Variants in PLA2G4A observed in about 807,000 individuals in gnomAD.
PLA2G4A encodes phospholipase A2 group IVA, also known as cytosolic phospholipase A2.
In PLA2G4A, 40 loss-of-function variants were observed where a neutral mutation model predicts 81.9. The ratio of observed to expected loss-of-function variants is 0.49; its 90% confidence interval spans 0.38 to 0.64. The LOEUF (loss-of-function observed/expected upper bound fraction) is 0.64, where lower values mean the gene tolerates loss of function less well. Ranked by LOEUF, PLA2G4A falls within the 30% of genes least tolerant of loss-of-function variation. The pLI is 0.00. For missense variants in PLA2G4A, 715 were observed against 905.1 expected (o/e 0.79, Z 2.69); for synonymous variants, 302 against 296.9 (o/e 1.02, Z -0.18).
chr1:186,840,238 A>T (rs1371321681), intron 1 of PLA2G4A, among the ~76,000 whole-genome samples: 1 of 151,998 alleles, frequency 6.6e-6, no homozygotes, highest in East Asian at 1.9e-4. Flanking sequence ...TAGATTGCCA[A>T]AGGGGTCCAT....
chr1:186,843,898 T>C (rs1652075850), intron 1 of PLA2G4A, among the ~76,000 whole-genome samples: 1 of 152,252 alleles, frequency 6.6e-6, no homozygotes, highest in South Asian at 2.1e-4. Context: ...TCTGAAACTC[T>C]AGTAGGTATT....
intron 14 of PLA2G4A, among the ~76,000 whole-genome samples, chr1:186,962,756 G>A (rs1053636300): frequency 1.3e-5 from 2 of 152,188 alleles, no homozygotes; most frequent in East Asian, 3.9e-4. Flanking sequence ...TCCTCACCTC[G>A]TGATCCACCC....
chr1:186,857,103 TTATATA>T (rs1652588329), intron 2 of PLA2G4A, among the ~76,000 whole-genome samples: 1 of 12,752 alleles, frequency 7.8e-5, no homozygotes, highest in African/African-American at 5.4e-4. Flanking sequence ...TATAATATAA[TTATATA>T]ATTATATAAT....
At chr1:186,870,850 G>A in intron 3 of PLA2G4A, 1 of 657,144 alleles carries the variant, frequency 1.5e-6, no homozygotes, top group Non-Finnish European at 2.6e-6. Context: ...TTCAAATGTG[G>A]TTATGTTTGT....
intron 10 of PLA2G4A, among the ~76,000 whole-genome samples, chr1:186,944,952 G>A (rs1009539502): frequency 6.6e-6 from 1 of 152,046 alleles, no homozygotes; most frequent in Non-Finnish European, 1.5e-5. Flanking sequence ...ACAAACAAAT[G>A]AGTAACAAAG....
Position 186,948,466 on chromosome 1 carries a change from A to G in PLA2G4A, c.1264+1505A>G, listed in dbSNP as rs145378536. Among the ~76,000 whole-genome samples, 380 of 151,592 alleles carry G rather than the reference A, an allele frequency of 2.5e-3. 2 individuals carry two copies. The highest frequency in any genetic ancestry group is 6.8e-3 in the Middle Eastern group (2 of 294). ...ATCCCAGATGAATGTCCTGTTCCCA[A>G]CTCTTTGTGGAAATAACAAACCCTT... On this transcript the variant is annotated intron_variant, in intron 12 of 17. Coordinates refer to ENST00000367466, the MANE Select transcript of PLA2G4A (RefSeq NM_024420.3).
intron 7 of PLA2G4A, among the ~76,000 whole-genome samples, chr1:186,912,650 A>C (rs893041096): frequency 6.8e-6 from 1 of 147,208 alleles, no homozygotes; most frequent in African/African-American, 2.6e-5. Context: ...AGCACATTTC[A>C]TTTTAGTACT....
intron 1 of PLA2G4A, among the ~76,000 whole-genome samples, chr1:186,845,421 G>A (rs1652137048): frequency 6.6e-6 from 1 of 151,922 alleles, no homozygotes; most frequent in South Asian, 2.1e-4. Flanking sequence ...TGAGGATTAG[G>A]GGCGATTTTC....
chr1:186,970,579 T>C (rs1428830222), intron 15 of PLA2G4A, among the ~76,000 whole-genome samples: 1 of 152,064 alleles, frequency 6.6e-6, no homozygotes, highest in Non-Finnish European at 1.5e-5. Context: ...GATTTGATTT[T>C]TATATATGTC....
At chr1:186,931,964 A>C (rs939446440) in intron 7 of PLA2G4A, among the ~76,000 whole-genome samples, 1 of 152,178 alleles carries the variant, frequency 6.6e-6, no homozygotes, top group African/African-American at 2.4e-5. Context: ...ACCAGATGTT[A>C]AAGATGCTCT....
chr1:186,888,298 T>C (rs1423560587), intron 3 of PLA2G4A, among the ~76,000 whole-genome samples: 1 of 152,170 alleles, frequency 6.6e-6, no homozygotes, highest in African/African-American at 2.4e-5. Flanking sequence ...GTTAAAAATA[T>C]GACCCATTGA....
chr1:186,968,590 A>G (rs1657221855), intron 15 of PLA2G4A, among the ~76,000 whole-genome samples: 1 of 151,812 alleles, frequency 6.6e-6, no homozygotes, highest in Non-Finnish European at 1.5e-5. Context: ...TTTATAAAAT[A>G]AAATAAAAAT....
intron 9 of PLA2G4A, among the ~76,000 whole-genome samples, chr1:186,939,492 GAAA>G (rs10599543): frequency 0.33 from 46,968 of 142,870 alleles, 9,056 homozygotes; most frequent in Non-Finnish European, 0.45. Context: ...CTTTTCTCTG[GAAA>G]AAAAAAAAAA....
At chr1:186,936,180 A>G (rs1227056745) in intron 8 of PLA2G4A, among the ~76,000 whole-genome samples, 2 of 151,962 alleles carry the variant, frequency 1.3e-5, no homozygotes, top group Admixed American at 1.3e-4. Flanking sequence ...ATCTATAAAC[A>G]GTGTGGTCCA....
chr1:186,906,989 T>A lies in PLA2G4A; in HGVS notation c.403T>A (p.Ser135Thr), dbSNP rs1198362668. The change falls in exon 6 of 18, where the codon TCT becomes ACT. Residue 135 changes from serine (S) to threonine (T), a missense_variant. By Grantham distance (58) the Ser-to-Thr change is moderately conservative (BLOSUM62 1). Coordinates refer to ENST00000367466, the MANE Select transcript of PLA2G4A (RefSeq NM_024420.3). ...GGTCACTGAAATGGTTCTAGAAATGTCTCTTGAAGTTTGGTAAGTGCATTT... is the reference window on the plus strand; with the variant it reads ...GGTCACTGAAATGGTTCTAGAAATGACTCTTGAAGTTTGGTAAGTGCATTT... ...NQVTEMVLEMSLEVCSCPDLR... is the reference protein window; with the variant it reads ...NQVTEMVLEMTLEVCSCPDLR... 1.3e-6 allele frequency: 2 copies of A among 1,510,956 alleles called. No homozygotes were observed. The highest frequency in any genetic ancestry group is 9.2e-7 in the Non-Finnish European group (1 of 1,087,064). The allele number at this position is 1,510,956 out of a possible 1,614,324, so 93.6% of individuals were successfully genotyped here.
At chr1:186,931,309 G>A (rs1021885414) in intron 7 of PLA2G4A, among the ~76,000 whole-genome samples, 1 of 151,814 alleles carries the variant, frequency 6.6e-6, no homozygotes, top group Non-Finnish European at 1.5e-5. Context: ...TCCTTCCATT[G>A]CACTGCACTT....
intron 17 of PLA2G4A, among the ~76,000 whole-genome samples, chr1:186,984,910 G>A (rs1657845444): frequency 6.6e-6 from 1 of 152,134 alleles, no homozygotes; most frequent in African/African-American, 2.4e-5. Flanking sequence ...TATGAGGTGG[G>A]GTTTTAATTT....
intron 3 of PLA2G4A, among the ~76,000 whole-genome samples, chr1:186,873,262 A>AT (rs1653349393): frequency 6.6e-6 from 1 of 152,120 alleles, no homozygotes; most frequent in Non-Finnish European, 1.5e-5. Flanking sequence ...AATTTTGATG[A>AT]TATTTCTTGG....
intron 10 of PLA2G4A, among the ~76,000 whole-genome samples, chr1:186,944,965 G>A (rs1557886045): frequency 6.6e-6 from 1 of 151,980 alleles, no homozygotes; most frequent in Non-Finnish European, 1.5e-5. Flanking sequence ...TAACAAAGAA[G>A]CTTATGAATT....
Sources: gnomAD v4.1 joint callset for allele counts (sites outside exome capture counted in the v4.1 genomes callset) on GRCh38, gnomAD v4.1.1 for gene constraint, MANE v1.5 for transcripts, NCBI Gene and HGNC (gene_info 2026-07-23, HGNC 2026-07-21) for gene names.